The following OR6N1 variants were observed in gnomAD, a reference collection of about 807,000 sequenced individuals.
The protein encoded by OR6N1 is olfactory receptor 6N1.
For missense variants in OR6N1, 394 were observed against 371.7 expected (o/e 1.06, Z -0.49); for synonymous variants, 170 against 150.7 (o/e 1.13, Z -0.94).
At chr1:158,821,138 C>CT in the OR6N1 span, among the ~76,000 whole-genome samples, 15 of 152,112 alleles carry the variant, frequency 9.9e-5, no homozygotes, top group African/African-American at 3.6e-4. Flanking sequence ...AAAACATCTT[C>CT]TTTTTTGTTT....
the OR6N1 span, among the ~76,000 whole-genome samples, chr1:158,837,979 G>T: frequency 6.6e-6 from 1 of 151,586 alleles, no homozygotes; most frequent in Admixed American, 6.6e-5. Context: ...TATGCAAAAT[G>T]TTTACTCCTT....
At chr1:158,785,882 G>A in the OR6N1 span, among the ~76,000 whole-genome samples, 7 of 152,134 alleles carry the variant, frequency 4.6e-5, no homozygotes, top group Non-Finnish European at 8.8e-5. Flanking sequence ...AAAGGGCCAT[G>A]TAGTCATTAT....
chr1:158,780,279 G>A, the OR6N1 span, among the ~76,000 whole-genome samples: 1 of 152,164 alleles, frequency 6.6e-6, no homozygotes, highest in African/African-American at 2.4e-5. Flanking sequence ...TAGCTTTTCT[G>A]AAGCCAACTG....
chr1:158,768,043 T>C (rs752955407), intron 1 of OR6N1, among the ~76,000 whole-genome samples: 2 of 152,204 alleles, frequency 1.3e-5, no homozygotes, highest in African/African-American at 2.4e-5. Context: ...GGTACTATAC[T>C]TTTGGTTACT....
At chr1:158,775,149 C>T (rs146238340), upstream of OR6N1, 30 of 152,234 alleles carry the variant, frequency 2.0e-4, no homozygotes, top group African/African-American at 6.0e-4. Flanking sequence ...TCCACAAACA[C>T]ATAAATTGCC....
At chr1:158,799,981 GA>G in the OR6N1 span, among the ~76,000 whole-genome samples, 3 of 146,948 alleles carry the variant, frequency 2.0e-5, no homozygotes, top group East Asian at 2.0e-4. Context: ...AGATAAAATG[GA>G]AAAAAAAAAG....
Position 158,766,282 on chromosome 1 carries a change from G to T in OR6N1, c.401C>A (p.Thr134Asn), listed in dbSNP as rs200022523. ...TGCACAAAGTGTTGGGGTCATGAGG[G>T]TTGGGTAGTGGAGGGGCCGGCAGAT... Reference protein sequence around the residue: ...LAICRPLHYPTLMTPTLCAEI... With the variant: ...LAICRPLHYPNLMTPTLCAEI... Residue 134 changes from threonine to asparagine, a missense_variant, in exon 2 of 2, where the codon ACC becomes AAC. Thr to Asn is a moderately conservative substitution (Grantham distance 65). Transcript: ENST00000641846. 2 of 1,614,100 alleles carry T rather than the reference G, an allele frequency of 1.2e-6. No individual in the cohort carries two copies. The highest frequency in any genetic ancestry group is 2.2e-5 in the East Asian group (1 of 44,870).
chr1:158,820,764 C>T, the OR6N1 span, among the ~76,000 whole-genome samples: 2 of 152,266 alleles, frequency 1.3e-5, no homozygotes, highest in South Asian at 4.1e-4. Context: ...CTGAAACTTC[C>T]CTAGAGTCAA....
rs1038386596 is a variant in OR6N1 at position 158,764,336 on chromosome 1, A to G, written c.*1408T>C. On this transcript the variant is annotated 3_prime_UTR_variant, in exon 2 of 2. Transcript: ENST00000641846. ...GAGAATGCATGTTTATCTTAATACT[A>G]CTTCCCACAATTATAATTAATTATA... 3 of 151,314 alleles carry G rather than the reference A, an allele frequency of 2.0e-5. No individual in the cohort carries two copies. The highest frequency in any genetic ancestry group is 4.4e-5 in the Non-Finnish European group (3 of 67,788). The allele number at this position is 151,314 out of a possible 1,614,324, so 9.4% of individuals were successfully genotyped here.
At chr1:158,826,536 A>T in the OR6N1 span, among the ~76,000 whole-genome samples, 1 of 152,158 alleles carries the variant, frequency 6.6e-6, no homozygotes, top group African/African-American at 2.4e-5. Flanking sequence ...ATTAATGATG[A>T]CTCTAGTCAC....
chr1:158,814,508 C>T, the OR6N1 span, among the ~76,000 whole-genome samples: 25 of 152,188 alleles, frequency 1.6e-4, no homozygotes, highest in Non-Finnish European at 3.1e-4. Flanking sequence ...AATTTATTTT[C>T]ACAGTTCTTG....
the OR6N1 span, among the ~76,000 whole-genome samples, chr1:158,817,997 A>AT: frequency 1.3e-5 from 2 of 152,116 alleles, no homozygotes; most frequent in African/African-American, 4.8e-5. Context: ...TGAAAGTAAA[A>AT]CCAGAGTGAT....
chr1:158,806,867 G>T, the OR6N1 span, among the ~76,000 whole-genome samples: 1 of 151,974 alleles, frequency 6.6e-6, no homozygotes, highest in Non-Finnish European at 1.5e-5. Context: ...CTTAAGAAGT[G>T]CTATAGGTGC....
At chr1:158,829,138 A>G in the OR6N1 span, among the ~76,000 whole-genome samples, 11 of 152,308 alleles carry the variant, frequency 7.2e-5, no homozygotes, top group Admixed American at 6.5e-4. Context: ...CGTCCCTGAC[A>G]CGCCCTGGAG....
At chr1:158,824,936 G>C in the OR6N1 span, among the ~76,000 whole-genome samples, 1 of 152,118 alleles carries the variant, frequency 6.6e-6, no homozygotes, top group African/African-American at 2.4e-5. Context: ...GGTGCCAAAA[G>C]CAATCTCAAC....
At chr1:158,832,189 G>C in the OR6N1 span, among the ~76,000 whole-genome samples, 1 of 151,970 alleles carries the variant, frequency 6.6e-6, no homozygotes, top group Non-Finnish European at 1.5e-5. Context: ...TGAAAAGACA[G>C]GGAGAATCAA....
the OR6N1 span, among the ~76,000 whole-genome samples, chr1:158,789,704 GTTAT>G: frequency 1.3e-5 from 2 of 152,164 alleles, no homozygotes; most frequent in African/African-American, 4.8e-5. Flanking sequence ...TTACTATGGA[GTTAT>G]TTGAGTTCCA....
the OR6N1 span, among the ~76,000 whole-genome samples, chr1:158,788,888 T>A: frequency 2.0e-5 from 3 of 152,158 alleles, no homozygotes; most frequent in African/African-American, 7.2e-5. Flanking sequence ...GGTGGAAGGA[T>A]GACAGAAGGG....
At chr1:158,827,742 C>T in the OR6N1 span, among the ~76,000 whole-genome samples, 8 of 152,042 alleles carry the variant, frequency 5.3e-5, no homozygotes, top group Admixed American at 3.3e-4. Flanking sequence ...GCAGTTTGTG[C>T]GTTGTCTGGT....
Sources: allele counts gnomAD v4.1 joint callset (sites outside exome capture counted in the v4.1 genomes callset), GRCh38; gene constraint gnomAD v4.1.1; transcripts MANE v1.5; gene names NCBI Gene and HGNC (gene_info 2026-07-23, HGNC 2026-07-21).